SMARCC1: variants seen among roughly 807,000 people sequenced by gnomAD.
The protein encoded by SMARCC1 is SWI/SNF related BAF chromatin remodeling complex subunit C1.
A neutral mutation model predicts 147.4 loss-of-function variants in SMARCC1; 43 were observed. The observed-to-expected ratio is 0.29, with a 90% CI of 0.23 to 0.38. The LOEUF (loss-of-function observed/expected upper bound fraction) is 0.38, where lower values mean the gene tolerates loss of function less well. Ranked by LOEUF, SMARCC1 falls within the 10% of genes least tolerant of loss-of-function variation. SMARCC1 has a pLI of 1.00. For synonymous variants in SMARCC1, 495 were observed against 484.4 expected (o/e 1.02, Z -0.29); for missense variants, 1,119 against 1,381.1 (o/e 0.81, Z 3.01).
chr3:47,759,660 C>T (rs1045184857), intron 2 of SMARCC1, among the ~76,000 whole-genome samples: 23 of 149,666 alleles, frequency 1.5e-4, no homozygotes, highest in African/African-American at 4.9e-4. Flanking sequence ...TTTAGCCAGG[C>T]GCAGTGGCTC....
intron 24 of SMARCC1, among the ~76,000 whole-genome samples, chr3:47,632,060 C>T (rs936858456): frequency 2.0e-5 from 3 of 152,050 alleles, no homozygotes; most frequent in African/African-American, 4.8e-5. Context: ...TGACTGATGA[C>T]GAGGGAGTGA....
At chr3:47,724,251 G>T (rs2034271660) in intron 6 of SMARCC1, among the ~76,000 whole-genome samples, 1 of 152,102 alleles carries the variant, frequency 6.6e-6, no homozygotes, top group Admixed American at 6.5e-5. Flanking sequence ...AAATGCAAAA[G>T]CAACCTAAAT....
At chr3:47,685,273 C>T (rs1439061868) in intron 14 of SMARCC1, among the ~76,000 whole-genome samples, 1 of 152,128 alleles carries the variant, frequency 6.6e-6, no homozygotes, top group African/African-American at 2.4e-5. Flanking sequence ...GATTCATACT[C>T]CTGGCATGAA....
intron 5 of SMARCC1, among the ~76,000 whole-genome samples, chr3:47,731,460 T>C (rs961596637): frequency 1.1e-4 from 16 of 152,220 alleles, no homozygotes; most frequent in African/African-American, 3.6e-4. Context: ...ATGAATCGCA[T>C]GTGTTCTTAG....
At chr3:47,619,805 G>A (rs2032700813) in intron 25 of SMARCC1, among the ~76,000 whole-genome samples, 1 of 152,130 alleles carries the variant, frequency 6.6e-6, no homozygotes, top group Non-Finnish European at 1.5e-5. Flanking sequence ...ATAGAGTTGG[G>A]GTAGGAGAGC....
At chr3:47,735,870 T>A (rs1192628227) in intron 5 of SMARCC1, among the ~76,000 whole-genome samples, 164 bp downstream of exon 5, 2 of 146,324 alleles carry the variant, frequency 1.4e-5, no homozygotes, top group African/African-American at 2.5e-5. Context: ...TGACACCTCA[T>A]CTCTAAAAAG....
chr3:47,711,972 C>A (rs1208039034), intron 8 of SMARCC1, among the ~76,000 whole-genome samples: 1 of 152,158 alleles, frequency 6.6e-6, no homozygotes, highest in Non-Finnish European at 1.5e-5. Flanking sequence ...GTGGTTCATG[C>A]CTGTAATCCC....
At chr3:47,720,859 G>C (rs951932508) in intron 6 of SMARCC1, 124 bp from the exon 7 acceptor site, 2 of 771,656 alleles carry the variant, frequency 2.6e-6, no homozygotes, top group Non-Finnish European at 4.3e-6. Flanking sequence ...CGAACATGCT[G>C]TTGCTGGTTT....
chr3:47,776,535 C>G (rs1373429053), intron 1 of SMARCC1, among the ~76,000 whole-genome samples: 1 of 151,996 alleles, frequency 6.6e-6, no homozygotes, highest in African/African-American at 2.4e-5. Flanking sequence ...ACCCAGGAGA[C>G]AGAGGTTGCA....
intron 2 of SMARCC1, among the ~76,000 whole-genome samples, chr3:47,768,483 T>C (rs2034867435): frequency 6.6e-6 from 1 of 152,150 alleles, no homozygotes; most frequent in African/African-American, 2.4e-5. Context: ...AACACCATTT[T>C]TGAAAAGATT....
chr3:47,663,539 G>A (rs2033379632), intron 19 of SMARCC1: 1 of 1,011,476 alleles, frequency 9.9e-7, no homozygotes, highest in Admixed American at 2.3e-5. Flanking sequence ...TGAGCCCAGG[G>A]GTTCAAGGCC....
intron 21 of SMARCC1, among the ~76,000 whole-genome samples, chr3:47,640,197 T>C (rs2033030098): frequency 6.6e-6 from 1 of 151,974 alleles, no homozygotes. Flanking sequence ...CCATGTCCTT[T>C]ATGAGATAGT....
At chr3:47,705,347 A>C (rs2033979501) in intron 10 of SMARCC1, among the ~76,000 whole-genome samples, 1 of 144,168 alleles carries the variant, frequency 6.9e-6, no homozygotes, top group African/African-American at 2.5e-5. Context: ...AAAAAAACGA[A>C]CTATAAAAAA....
chr3:47,757,676 C>T (rs552399934), intron 2 of SMARCC1, among the ~76,000 whole-genome samples: 39 of 150,684 alleles, frequency 2.6e-4, no homozygotes, highest in South Asian at 1.3e-3. Flanking sequence ...CCCAGCTACT[C>T]GGGAGGCTGA....
chr3:47,649,836 C>T (rs763664891), intron 21 of SMARCC1, among the ~76,000 whole-genome samples: 1 of 152,130 alleles, frequency 6.6e-6, no homozygotes, highest in South Asian at 2.1e-4. Flanking sequence ...TACATTCCAA[C>T]TCTCTTGAGG....
At chr3:47,591,410 T>TA (rs36029152) in intron 26 of SMARCC1, among the ~76,000 whole-genome samples, 43,095 of 143,688 alleles carry the variant, frequency 0.3, 6,414 homozygotes, top group South Asian at 0.43. Flanking sequence ...ATGGTTCATT[T>TA]AAAAAAAAAA....
chr3:47,640,946 TA>T (rs1250055912), intron 21 of SMARCC1, among the ~76,000 whole-genome samples: 2 of 152,180 alleles, frequency 1.3e-5, no homozygotes, highest in Admixed American at 1.3e-4. Context: ...CCTATTTAAT[TA>T]AATGCATTGA....
At chr3:47,627,935 T>C (rs1168418917) in intron 24 of SMARCC1, among the ~76,000 whole-genome samples, 1 of 151,966 alleles carries the variant, frequency 6.6e-6, no homozygotes, top group Non-Finnish European at 1.5e-5. Flanking sequence ...GTTGCCCAGG[T>C]TGGTCTCTAA....
chr3:47,662,538 G>C lies in SMARCC1; in HGVS notation c.1954C>G (p.Arg652Gly). The change falls in exon 20 of 28, where the codon CGT becomes GGT. Residue 652 changes from arginine to glycine, a missense_variant. Transcript: ENST00000254480. ...WNKVSEHVGS[R>G]TQDECILHFL... ...TGGAGGATGCATTCATCCTGAGTACGACTTCCAACATGTTCCGACACTTTG... is the reference window on the plus strand; with the variant it reads ...TGGAGGATGCATTCATCCTGAGTACCACTTCCAACATGTTCCGACACTTTG... 1 of 1,613,668 alleles carries C rather than the reference G, an allele frequency of 6.2e-7. No individual in the cohort carries two copies. The highest frequency in any genetic ancestry group is 8.5e-7 in the Non-Finnish European group (1 of 1,179,618).
Sources: allele counts gnomAD v4.1 joint callset (sites outside exome capture counted in the v4.1 genomes callset), GRCh38; gene constraint gnomAD v4.1.1; transcripts MANE v1.5; gene names NCBI Gene and HGNC (gene_info 2026-07-23, HGNC 2026-07-21).